The following CRLF2 variants were observed in gnomAD, a reference collection of about 807,000 sequenced individuals.
CRLF2 encodes cytokine receptor like factor 2.
In CRLF2, 41 loss-of-function variants were observed where a neutral mutation model predicts 38.7. That is an observed-to-expected ratio of 1.06 (90% CI 0.83 to 1.37). The LOEUF (loss-of-function observed/expected upper bound fraction) is 1.37. CRLF2 is among the 40% of genes most tolerant of loss of function. The pLI, the probability that CRLF2 is intolerant of heterozygous loss-of-function variation, is 0.00. For missense variants in CRLF2, 377 were observed against 322.2 expected (o/e 1.17, Z -1.30); for synonymous variants, 140 against 128.8 (o/e 1.09, Z -0.59).
chrX:1,212,342 T>C (rs1231918620), intron 1 of CRLF2, among the ~76,000 whole-genome samples: 1 of 149,080 alleles, frequency 6.7e-6, no homozygotes, highest in Non-Finnish European at 1.5e-5. Flanking sequence ...GTATACTTAA[T>C]ATTCATGTAT....
chrX:1,190,804 C>G lies in CRLF2; in HGVS notation c.*93G>C, dbSNP rs2086360824. 5.0e-6 allele frequency: 2 copies of G among 398,556 alleles called. No individual in the cohort carries two copies. Among genetic ancestry groups the G allele is most frequent in the Non-Finnish European group, 8.8e-6 (2 of 226,086 alleles). 24.7% of individuals were successfully genotyped at this position (398,556 alleles called of 1,614,324 possible). On this transcript the variant is annotated 3_prime_UTR_variant, in exon 8 of 8. Coordinates refer to ENST00000400841, the MANE Select transcript of CRLF2 (RefSeq NM_022148.4). ...CTACCATCATTGGCGTGGAGACTTC[C>G]CATCCATGGTGGTGTGGAGTCCCCG... is the stretch of plus-strand genomic sequence containing the variant.
At position 1,206,589 on chromosome X, in the gene CRLF2, C is replaced by G. The variant is rs766121638; in HGVS notation, c.193G>C (p.Asp65His). ...NLTFHYRFNG[D>H]EAYDQCTNYL... ...TTGGTGCACTGGTCATAGGCCTCAT[C>G]ACCGTTGAATCTGTGGTTTAAAACG... is the stretch of plus-strand genomic sequence containing the variant. Residue 65 changes from aspartate to histidine, a missense_variant, in exon 3 of 8, where the codon GAT (aspartate) becomes CAT (histidine). Coordinates refer to ENST00000400841, the MANE Select transcript of CRLF2 (RefSeq NM_022148.4). The G allele has an allele frequency of 1.1e-5, 18 of 1,613,354 alleles. No homozygotes were observed. The highest frequency in any genetic ancestry group is 1.5e-5 in the Non-Finnish European group (18 of 1,179,554).
intron 7 of CRLF2, among the ~76,000 whole-genome samples, chrX:1,192,870 G>A (rs1398900691): frequency 2.1e-4 from 31 of 147,458 alleles, no homozygotes; most frequent in Non-Finnish European, 3.7e-4. Flanking sequence ...CTGGAGTGCA[G>A]TGGTACAATC....
At chrX:1,205,770 G>A (rs767840381) in intron 3 of CRLF2, among the ~76,000 whole-genome samples, 17 of 152,092 alleles carry the variant, frequency 1.1e-4, no homozygotes, top group Admixed American at 5.9e-4. Context: ...AGGAAGTACT[G>A]AAAAGCATGG....
chrX:1,193,854 G>A (rs1481742005), intron 6 of CRLF2, among the ~76,000 whole-genome samples: 3,860 of 151,380 alleles, frequency 0.025, 154 homozygotes, highest in African/African-American at 0.089. Context: ...CCAGCTATTC[G>A]GGAGGCTGAG....
chrX:1,203,277 C>A (rs1350568735), intron 3 of CRLF2, among the ~76,000 whole-genome samples: 1 of 151,896 alleles, frequency 6.6e-6, no homozygotes, highest in East Asian at 1.9e-4. Context: ...CACGTGGAGA[C>A]GGAGGCAGAG....
chrX:1,194,527 C>T (rs1170248510), intron 6 of CRLF2, among the ~76,000 whole-genome samples: 1 of 152,146 alleles, frequency 6.6e-6, no homozygotes, highest in East Asian at 1.9e-4. Flanking sequence ...GTGCACACAG[C>T]AGATTTGCAT....
chrX:1,205,834 C>G (rs2086681513), intron 3 of CRLF2, among the ~76,000 whole-genome samples: 1 of 151,562 alleles, frequency 6.6e-6, no homozygotes, highest in Non-Finnish European at 1.5e-5. Context: ...CTTGCATGAG[C>G]TTGCTTTATC....
rs1270168456 is a variant in CRLF2, at chrX:1,190,597, C to T, written c.*300G>A. 27,269 of 363,142 alleles carry T rather than the reference C, an allele frequency of 0.075. 1,401 individuals are homozygous for T. The highest frequency in any genetic ancestry group is 0.1 in the Middle Eastern group (147 of 1,432). 22.5% of individuals were successfully genotyped at this position (363,142 alleles called of 1,614,324 possible). A position where few individuals can be genotyped will look rare whatever the true frequency, so the allele number is the denominator to read the frequency against. ...GAAGATGGTTTTACAGCATTTTGGA[C>T]GTGCTGCCTTGGGGTTTATGTGACA... is the stretch of plus-strand genomic sequence containing the variant. On this transcript the variant is annotated 3_prime_UTR_variant, in exon 8 of 8. Transcript: ENST00000400841.
At position 1,196,771 on chromosome X, in the gene CRLF2, C is replaced by A; in HGVS notation, c.767+9G>T. 1 of 1,612,896 alleles carries A rather than the reference C, an allele frequency of 6.2e-7. No homozygotes were observed. The highest frequency in any genetic ancestry group is 8.5e-7 in the Non-Finnish European group (1 of 1,179,374). On this transcript the variant is annotated intron_variant, in intron 6 of 7. Transcript: ENST00000400841. Reference sequence around the variant, plus strand: ...CCCTCCACCCACGGGCGGCAGGAGTCATCCTTACCTCCATAATTTCCATAA... The same window carrying A: ...CCCTCCACCCACGGGCGGCAGGAGTAATCCTTACCTCCATAATTTCCATAA...
intron 1 of CRLF2, 146 bp from the exon 2 acceptor site, chrX:1,209,054 G>A (rs1403559114): frequency 2.1e-5 from 12 of 562,058 alleles, no homozygotes; most frequent in African/African-American, 9.6e-5. Flanking sequence ...TGCAACCTCC[G>A]CCTCCCGGGT....
chrX:1,197,127 C>G (rs1376818106), intron 5 of CRLF2, among the ~76,000 whole-genome samples: 3 of 132,830 alleles, frequency 2.3e-5, no homozygotes, highest in African/African-American at 8.4e-5. Flanking sequence ...GAACCTCACT[C>G]TGTTGCCCAG....
At chrX:1,192,744 C>CT (rs1170746402) in intron 7 of CRLF2, among the ~76,000 whole-genome samples, 1 of 116,942 alleles carries the variant, frequency 8.6e-6, no homozygotes, top group Non-Finnish European at 1.8e-5. Context: ...TTCTTTCTTT[C>CT]TTTCTTTCTT....
chrX:1,199,794 A>G (rs1351410999), intron 4 of CRLF2, among the ~76,000 whole-genome samples: 1 of 151,840 alleles, frequency 6.6e-6, no homozygotes, highest in African/African-American at 2.4e-5. Flanking sequence ...ATAATTGTGT[A>G]TATATAAGTT....
chrX:1,198,622 G>A lies in CRLF2; in HGVS notation c.586C>T (p.Pro196Ser), dbSNP rs376511428. Residue 196 changes from proline (P) to serine (S), a missense_variant, in exon 5 of 8, where the codon CCA becomes TCA. By Grantham distance (74) the Pro-to-Ser change is moderately conservative (BLOSUM62 -1). Coordinates refer to ENST00000400841, the MANE Select transcript of CRLF2 (RefSeq NM_022148.4). ...GACCAGTCGCTTGGGTATGTGTCTGGCCCATATACATCCTCCATAGCCTTC... is the reference window on the plus strand; with the variant it reads ...GACCAGTCGCTTGGGTATGTGTCTGACCCATATACATCCTCCATAGCCTTC... ...RVKAMEDVYG[P>S]DTYPSDWSEV... The A allele has an allele frequency of 3.1e-6, 5 of 1,613,614 alleles. No individual in the cohort carries two copies. The highest frequency in any genetic ancestry group is 2.2e-5 in the South Asian group (2 of 91,064).
At chrX:1,203,779 G>T (rs2086647777) in intron 3 of CRLF2, among the ~76,000 whole-genome samples, 2 of 152,126 alleles carry the variant, frequency 1.3e-5, no homozygotes, top group African/African-American at 4.8e-5. Flanking sequence ...ATAAATTTCT[G>T]CTGTTTTAAG....
At chrX:1,191,301 C>CTTTCTTTCTTTCTT in intron 7 of CRLF2, 141 bp from the exon 8 acceptor site, 1 of 344,958 alleles carries the variant, frequency 2.9e-6, no homozygotes. Flanking sequence ...TTTTCTCTTT[C>CTTTCTTTCTTTCTT]TTTCTTTCTT....
At chrX:1,208,183 C>A (rs549568406) in intron 2 of CRLF2, among the ~76,000 whole-genome samples, 1 of 152,082 alleles carries the variant, frequency 6.6e-6, no homozygotes, top group Non-Finnish European at 1.5e-5. Context: ...TTTCCCTCCC[C>A]GGCTGCCTAG....
At chrX:1,192,713 TTTCTTTCTTTCTTTCTTTC>T (rs1159682315) in intron 7 of CRLF2, among the ~76,000 whole-genome samples, 2 of 20,226 alleles carry the variant, frequency 9.9e-5, no homozygotes, top group Admixed American at 4.1e-4. Flanking sequence ...TTTTCTTTTC[TTTCTTTCTTTCTTTCTTTC>T]TTTCTTTCTT....
Sources: allele counts gnomAD v4.1 joint callset (sites outside exome capture counted in the v4.1 genomes callset), GRCh38; gene constraint gnomAD v4.1.1; transcripts MANE v1.5; gene names NCBI Gene and HGNC (gene_info 2026-07-23, HGNC 2026-07-21).